TASP1: variants seen among roughly 807,000 people sequenced by gnomAD.
TASP1 encodes threonine aspartase 1.
Under a neutral mutation model 56.6 loss-of-function variants are expected in TASP1, and 16 were observed. The ratio of observed to expected loss-of-function variants is 0.28; its 90% confidence interval spans 0.19 to 0.43. The LOEUF (loss-of-function observed/expected upper bound fraction) is 0.43, where lower values mean the gene tolerates loss of function less well. Ranked by LOEUF, TASP1 falls within the 20% of genes least tolerant of loss-of-function variation. TASP1 has a pLI of 1.00. For synonymous variants in TASP1, 179 were observed against 184.2 expected, an observed-to-expected ratio of 0.97 and a Z score of 0.23; for missense variants, 393 against 511.6, an observed-to-expected ratio of 0.77 and a Z score of 2.24.
At chr20:13,448,956 C>G (rs751227917) in intron 11 of TASP1, among the ~76,000 whole-genome samples, 53 of 151,994 alleles carry the variant, frequency 3.5e-4, no homozygotes, top group Non-Finnish European at 6.0e-4. Flanking sequence ...GTAAAAACAC[C>G]CAGGATTGGT....
intron 1 of TASP1, among the ~76,000 whole-genome samples, chr20:13,634,755 T>G: frequency 7.7e-6 from 1 of 129,576 alleles, no homozygotes; most frequent in African/African-American, 2.9e-5. Flanking sequence ...AAGCCTGGGC[T>G]CAGTGGCTCA....
chr20:13,263,761 C>A, the TASP1 span, among the ~76,000 whole-genome samples: 1 of 152,160 alleles, frequency 6.6e-6, no homozygotes, highest in Non-Finnish European at 1.5e-5. Context: ...AAAAAGGAAA[C>A]AAGCATTGTC....
the TASP1 span, among the ~76,000 whole-genome samples, chr20:13,149,778 A>T: frequency 1.2e-4 from 19 of 152,352 alleles, no homozygotes; most frequent in African/African-American, 4.3e-4. Context: ...ACATTAGCTG[A>T]TGATCCAGTT....
rs1280807481 is a variant in TASP1 at position 13,478,941 on chromosome 20, C to G, written c.985+4286G>C. ...TAGAGGAATGAATAAATTATGGAACCATGAAATATTTGGCTATAAAACTAT... is the reference window on the plus strand; with the variant it reads ...TAGAGGAATGAATAAATTATGGAACGATGAAATATTTGGCTATAAAACTAT... On this transcript the variant is annotated intron_variant, in intron 11 of 13. Coordinates refer to ENST00000337743, the MANE Select transcript of TASP1 (RefSeq NM_017714.3). 2.6e-5 allele frequency among the ~76,000 whole-genome samples: 4 copies of G among 152,030 alleles called. No homozygotes were observed. In the East Asian group the frequency reaches 7.7e-4, roughly 29 times the overall value.
At chr20:13,487,361 C>T (rs1416464515) in intron 10 of TASP1, among the ~76,000 whole-genome samples, 1 of 152,188 alleles carries the variant, frequency 6.6e-6, no homozygotes, top group Non-Finnish European at 1.5e-5. Context: ...TCAGTATTCA[C>T]TTAACTGTCA....
intron 6 of TASP1, among the ~76,000 whole-genome samples, chr20:13,571,840 G>A (rs186577278): frequency 1.2e-4 from 19 of 152,184 alleles, no homozygotes; most frequent in Admixed American, 2.0e-4. Context: ...ACTCATTGTC[G>A]TGTAAAGCCA....
chr20:13,307,037 A>C, the TASP1 span, among the ~76,000 whole-genome samples: 1 of 152,166 alleles, frequency 6.6e-6, no homozygotes, highest in East Asian at 1.9e-4. Flanking sequence ...GGAGAGAGAA[A>C]GAACAAAAGC....
chr20:13,461,887 CA>C (rs1240092601), intron 11 of TASP1, among the ~76,000 whole-genome samples: 1 of 152,158 alleles, frequency 6.6e-6, no homozygotes, highest in African/African-American at 2.4e-5. Context: ...AGGCAGACAG[CA>C]GATGTTTATA....
chr20:13,443,528 T>C (rs778056684), intron 11 of TASP1, among the ~76,000 whole-genome samples: 2 of 152,194 alleles, frequency 1.3e-5, no homozygotes, highest in African/African-American at 2.4e-5. Context: ...ATCCCTTAAA[T>C]ACCTAAGTCT....
chr20:13,626,413 T>C (rs2048889818), intron 2 of TASP1, among the ~76,000 whole-genome samples: 1 of 152,024 alleles, frequency 6.6e-6, no homozygotes, highest in South Asian at 2.1e-4. Flanking sequence ...CGCAACAGAG[T>C]GAGACTTTGA....
At chr20:13,616,202 A>G (rs2048518579) in intron 4 of TASP1, among the ~76,000 whole-genome samples, 1 of 152,218 alleles carries the variant, frequency 6.6e-6, no homozygotes, top group African/African-American at 2.4e-5. Context: ...TTTTACACTC[A>G]AAAATCCAAA....
At chr20:13,242,423 A>G in the TASP1 span, among the ~76,000 whole-genome samples, 38,100 of 151,914 alleles carry the variant, frequency 0.25, 4,819 homozygotes, top group African/African-American at 0.3. Flanking sequence ...TTAGCCATGG[A>G]ACCAAGAAGA....
intron 11 of TASP1, among the ~76,000 whole-genome samples, chr20:13,459,962 T>A (rs1461316092): frequency 2.6e-5 from 4 of 152,158 alleles, no homozygotes; most frequent in Non-Finnish European, 5.9e-5. Context: ...TACACATTTG[T>A]CTTCTATATA....
In TASP1 at chr20:13,587,443, T is replaced by C. The variant is rs1166382575; in HGVS notation, c.283-73A>G. ...TATTAATGTCAGTCCTTCATGAAAT[T>C]TTCTAAAAGCTAGAAGGTGAGAGAA... On this transcript the variant is annotated intron_variant, in intron 4 of 13. Transcript: ENST00000337743. 9.1e-6 allele frequency: 12 copies of C among 1,325,812 alleles called. No homozygotes were observed. In the East Asian group the frequency reaches 3.0e-4, roughly 34 times the overall value. 82.1% of individuals were successfully genotyped at this position (1,325,812 alleles called of 1,614,324 possible). A position where few individuals can be genotyped will look rare whatever the true frequency, so the allele number is the denominator to read the frequency against.
At chr20:13,598,657 G>A (rs1294498736) in intron 4 of TASP1, among the ~76,000 whole-genome samples, 1 of 152,020 alleles carries the variant, frequency 6.6e-6, no homozygotes, top group South Asian at 2.1e-4. Flanking sequence ...CAAAAGCAAT[G>A]GCAACAAAAG....
the TASP1 span, among the ~76,000 whole-genome samples, chr20:13,381,089 C>G: frequency 6.6e-6 from 1 of 152,138 alleles, no homozygotes; most frequent in Non-Finnish European, 1.5e-5. Context: ...GTGAACGGTT[C>G]TGTCTCGCTG....
At chr20:13,106,631 T>C in the TASP1 span, among the ~76,000 whole-genome samples, 1 of 152,144 alleles carries the variant, frequency 6.6e-6, no homozygotes, top group Non-Finnish European at 1.5e-5. Flanking sequence ...ATTAGGCAAC[T>C]ATTACTGGAA....
At chr20:13,616,224 T>C (rs976439387) in intron 4 of TASP1, among the ~76,000 whole-genome samples, 5 of 152,320 alleles carry the variant, frequency 3.3e-5, no homozygotes, top group East Asian at 1.9e-4. Context: ...GTCTAAATTG[T>C]TTCCACGTAG....
chr20:13,450,819 A>G (rs1167372406), intron 11 of TASP1, among the ~76,000 whole-genome samples: 1 of 152,102 alleles, frequency 6.6e-6, no homozygotes, highest in Non-Finnish European at 1.5e-5. Flanking sequence ...AATGGCATCT[A>G]GAAGGTTTTT....
Sources: allele counts gnomAD v4.1 joint callset (sites outside exome capture counted in the v4.1 genomes callset), GRCh38; gene constraint gnomAD v4.1.1; transcripts MANE v1.5; gene names NCBI Gene and HGNC (gene_info 2026-07-23, HGNC 2026-07-21).